Variants in PHACTR1 observed in about 807,000 individuals in gnomAD.
PHACTR1 encodes the protein phosphatase and actin regulator 1.
A neutral mutation model predicts 69.2 loss-of-function variants in PHACTR1; 16 were observed. The observed-to-expected ratio is 0.23, with a 90% CI of 0.16 to 0.35. PHACTR1 has a LOEUF of 0.35. Among genes scored for constraint, PHACTR1 ranks in the 10% least tolerant of loss-of-function variants. The probability of loss-of-function intolerance (pLI) is 1.00; values close to 1 mark genes in which losing one functional copy is unlikely to be tolerated. For missense variants in PHACTR1, 510 were observed against 734.7 expected (o/e 0.69, Z 3.54); for synonymous variants, 312 against 284.5 (o/e 1.10, Z -0.97).
chr6:12,813,947 G>T (rs1178251140), intron 4 of PHACTR1, among the ~76,000 whole-genome samples: 1 of 152,178 alleles, frequency 6.6e-6, no homozygotes, highest in Non-Finnish European at 1.5e-5. Context: ...CTGCACAGGG[G>T]ATTCCTAAAC....
chr6:12,755,555 T>G (rs922856315), intron 4 of PHACTR1, among the ~76,000 whole-genome samples: 1 of 152,182 alleles, frequency 6.6e-6, no homozygotes, highest in African/African-American at 2.4e-5. Flanking sequence ...ATGGAAATTT[T>G]TGAGTTAAAA....
chr6:13,070,627 A>G (rs1176408159), intron 5 of PHACTR1, among the ~76,000 whole-genome samples: 1 of 152,174 alleles, frequency 6.6e-6, no homozygotes, highest in Non-Finnish European at 1.5e-5. Context: ...AAACATACAG[A>G]GTGAAAAGGT....
intron 4 of PHACTR1, among the ~76,000 whole-genome samples, chr6:13,003,973 A>ATG (rs1798459004): frequency 7.7e-6 from 1 of 130,034 alleles, no homozygotes; most frequent in Non-Finnish European, 1.6e-5. Flanking sequence ...ATGTATATAT[A>ATG]TATATACACA....
At chr6:12,771,756 G>A (rs1376576884) in intron 4 of PHACTR1, among the ~76,000 whole-genome samples, 1 of 152,212 alleles carries the variant, frequency 6.6e-6, no homozygotes, top group Admixed American at 6.5e-5. Flanking sequence ...CATGGAGAGA[G>A]ATGGAAGGGA....
intron 4 of PHACTR1, among the ~76,000 whole-genome samples, chr6:12,919,453 T>C (rs1469464286): frequency 6.6e-6 from 1 of 152,140 alleles, no homozygotes; most frequent in Non-Finnish European, 1.5e-5. Flanking sequence ...TAAAGACTTT[T>C]AAGGAAAAAA....
chr6:12,917,121 A>G (rs1397295059), intron 4 of PHACTR1, among the ~76,000 whole-genome samples: 1 of 152,198 alleles, frequency 6.6e-6, no homozygotes, highest in Non-Finnish European at 1.5e-5. Flanking sequence ...CTGCACTTGG[A>G]TTCTTCACTT....
At chr6:12,819,943 A>G (rs1190146440) in intron 4 of PHACTR1, among the ~76,000 whole-genome samples, 1 of 152,164 alleles carries the variant, frequency 6.6e-6, no homozygotes, top group East Asian at 1.9e-4. Flanking sequence ...CCAAGCATGT[A>G]TTACTTCCTT....
chr6:12,988,564 G>A (rs569600650), intron 4 of PHACTR1, among the ~76,000 whole-genome samples: 5 of 152,234 alleles, frequency 3.3e-5, no homozygotes, highest in Admixed American at 6.5e-5. Flanking sequence ...TATAATGTTC[G>A]CAAAGTACCT....
intron 5 of PHACTR1, among the ~76,000 whole-genome samples, chr6:13,105,407 G>T (rs990783577): frequency 1.3e-5 from 2 of 152,004 alleles, no homozygotes; most frequent in Non-Finnish European, 2.9e-5. Flanking sequence ...CGGGGTGGGG[G>T]TGTGGAGGGA....
chr6:12,769,672 C>T (rs1259018682), intron 4 of PHACTR1, among the ~76,000 whole-genome samples: 4 of 152,310 alleles, frequency 2.6e-5, no homozygotes, highest in African/African-American at 9.6e-5. Context: ...GTTCACTGGC[C>T]CAGTCAGCCC....
chr6:12,717,198 G>A (rs756266586), intron 1 of PHACTR1, among the ~76,000 whole-genome samples: 53 of 152,208 alleles, frequency 3.5e-4, no homozygotes, highest in Non-Finnish European at 2.5e-4. Context: ...CCCATTCCCT[G>A]CCACTCTTAG....
At chr6:12,890,750 T>C (rs866319894) in intron 4 of PHACTR1, among the ~76,000 whole-genome samples, 3 of 152,340 alleles carry the variant, frequency 2.0e-5, no homozygotes, top group Middle Eastern at 6.8e-3. Context: ...TCACCATTTT[T>C]AAAAACGAAC....
At chr6:12,987,092 A>G (rs1796277974) in intron 4 of PHACTR1, among the ~76,000 whole-genome samples, 1 of 152,220 alleles carries the variant, frequency 6.6e-6, no homozygotes, top group Non-Finnish European at 1.5e-5. Flanking sequence ...AGTGTATATG[A>G]TTTTAAAAGA....
rs139751425 is a variant in PHACTR1 at position 12,888,652 on chromosome 6, A to G, written c.250+138862A>G. ...TTTTTAAATGTTTTGCACTCTAAGA[A>G]AGAAACCATTCACTTATCTAGAGAA... On this transcript the variant is annotated intron_variant, in intron 4 of 14. Transcript: ENST00000332995. 3.9e-4 allele frequency among the ~76,000 whole-genome samples: 59 copies of G among 152,346 alleles called. No individual in the cohort carries two copies. The Middle Eastern group carries it at 0.014, about 35-fold the overall frequency.
chr6:13,140,349 C>T (rs1583545458), intron 5 of PHACTR1, among the ~76,000 whole-genome samples: 1 of 152,102 alleles, frequency 6.6e-6, no homozygotes, highest in African/African-American at 2.4e-5. Flanking sequence ...TACATAGCAG[C>T]ATTGTTCACC....
At chr6:12,811,647 G>A (rs1219810494) in intron 4 of PHACTR1, among the ~76,000 whole-genome samples, 1 of 152,180 alleles carries the variant, frequency 6.6e-6, no homozygotes, top group East Asian at 1.9e-4. Context: ...GTTTGAGGCT[G>A]TTAGCCCAAA....
intron 4 of PHACTR1, among the ~76,000 whole-genome samples, chr6:12,935,917 A>C (rs1389377507): frequency 6.6e-6 from 1 of 152,096 alleles, no homozygotes; most frequent in Admixed American, 6.6e-5. Context: ...CCGGGCAGTC[A>C]TCTCATGGCT....
chr6:13,101,881 C>CACCT (rs1488341343), intron 5 of PHACTR1, among the ~76,000 whole-genome samples: 2 of 152,110 alleles, frequency 1.3e-5, no homozygotes, highest in African/African-American at 4.8e-5. Context: ...AGGGAAGACC[C>CACCT]ACCTATTCAT....
At chr6:13,240,040 A>G (rs202062) in intron 10 of PHACTR1, among the ~76,000 whole-genome samples, 19,790 of 151,464 alleles carry the variant, frequency 0.13, 1,843 homozygotes, top group Admixed American at 0.24. Flanking sequence ...TTAAACTTGC[A>G]AAGTTTCTTT....
Sources: gnomAD v4.1 joint callset for allele counts (sites outside exome capture counted in the v4.1 genomes callset) on GRCh38, gnomAD v4.1.1 for gene constraint, MANE v1.5 for transcripts, NCBI Gene and HGNC (gene_info 2026-07-23, HGNC 2026-07-21) for gene names.